Variants in DNAH7 observed in about 807,000 individuals in gnomAD.
DNAH7 encodes the protein axonemal beta dynein heavy chain 7.
A neutral mutation model predicts 444.6 loss-of-function variants in DNAH7; 397 were observed. The observed-to-expected ratio is 0.89, with a 90% CI of 0.82 to 0.97. The LOEUF (loss-of-function observed/expected upper bound fraction) is 0.97, where lower values mean the gene tolerates loss of function less well. DNAH7 is among the 50% of genes least tolerant of loss of function. DNAH7 has a pLI of 0.00. For missense variants in DNAH7, 4,902 were observed against 4,800.8 expected, an observed-to-expected ratio of 1.02 and a Z score of -0.62; for synonymous variants, 1,636 against 1,624.4, an observed-to-expected ratio of 1.01 and a Z score of -0.17.
intron 18 of DNAH7, among the ~76,000 whole-genome samples, chr2:195,958,217 C>CCCT (rs1182723632): frequency 3.9e-5 from 6 of 152,012 alleles, no homozygotes; most frequent in African/African-American, 1.4e-4. Context: ...GAAGACCAAC[C>CCCT]CCTCCTCTTC....
intron 47 of DNAH7, 81 bp downstream of exon 47, chr2:195,844,921 C>T (rs906204890): frequency 7.8e-7 from 1 of 1,276,244 alleles, no homozygotes. Context: ...TAAAAGTTTG[C>T]TACCTAAAAT....
chr2:195,937,678 T>C (rs1280181507), intron 19 of DNAH7, among the ~76,000 whole-genome samples: 1 of 152,132 alleles, frequency 6.6e-6, no homozygotes, highest in Non-Finnish European at 1.5e-5. Flanking sequence ...ATAGTTGAAA[T>C]AGAATTCTTT....
At chr2:195,769,087 T>A (rs769391958) in intron 61 of DNAH7, among the ~76,000 whole-genome samples, 1 of 152,164 alleles carries the variant, frequency 6.6e-6, no homozygotes, top group Non-Finnish European at 1.5e-5. Context: ...AAATTTGAAA[T>A]ATTTTCTTCC....
intron 24 of DNAH7, among the ~76,000 whole-genome samples, chr2:195,920,664 G>T (rs907260206): frequency 2.6e-5 from 4 of 152,212 alleles, no homozygotes; most frequent in African/African-American, 9.6e-5. Context: ...CTTAGGCAAA[G>T]AGTTCATGAC....
At chr2:195,999,413 A>G (rs1041088727) in intron 12 of DNAH7, among the ~76,000 whole-genome samples, 1 of 152,208 alleles carries the variant, frequency 6.6e-6, no homozygotes, top group African/African-American at 2.4e-5. Context: ...AGCACCTGTC[A>G]CAAGAATATG....
chr2:195,969,671 C>T (rs1691712242), intron 17 of DNAH7, among the ~76,000 whole-genome samples: 1 of 152,076 alleles, frequency 6.6e-6, no homozygotes, highest in African/African-American at 2.4e-5. Context: ...AACTATGATG[C>T]AAATAATTAA....
At position 195,923,750 on chromosome 2, in the gene DNAH7, C is replaced by T. The variant is rs756077098; in HGVS notation, c.3670G>A (p.Val1224Met). The stretch of plus-strand genomic sequence containing the variant: ...TTCTGCATGGACAATTTGCCACGCA[C>T]CAAAGTGACAATATCATCAATTTGT... ...NRQIDDIVTL[V>M]RGKLSMQNRV... Residue 1224 changes from valine to methionine, a missense_variant, in exon 23 of 65, where the codon GTG (valine) becomes ATG (methionine). Val to Met is a conservative substitution (Grantham distance 21). Coordinates refer to ENST00000312428, the MANE Select transcript of DNAH7 (RefSeq NM_018897.3). The T allele has an allele frequency of 3.1e-5, 50 of 1,614,056 alleles. No homozygotes were observed. The Middle Eastern group carries it at 9.9e-4, about 32-fold the overall frequency.
chr2:195,893,698 A>C (rs1378421134), intron 30 of DNAH7: 1 of 152,238 alleles, frequency 6.6e-6, no homozygotes, highest in East Asian at 1.9e-4. Context: ...TTTTTATCCT[A>C]AATGCAGCAA....
chr2:195,796,974 G>A (rs961042323), intron 55 of DNAH7, among the ~76,000 whole-genome samples: 6 of 152,152 alleles, frequency 3.9e-5, no homozygotes, highest in Non-Finnish European at 7.4e-5. Flanking sequence ...AAATTCTGTA[G>A]AGTCTTTGGT....
At chr2:195,775,762 A>C (rs1695031918) in intron 60 of DNAH7, 84 bp downstream of exon 60, 5 of 1,419,046 alleles carry the variant, frequency 3.5e-6, no homozygotes. Flanking sequence ...GAATTGTGTA[A>C]GGAAGCCTGT....
chr2:195,954,389 T>A (rs565014340), intron 19 of DNAH7, among the ~76,000 whole-genome samples: 1 of 152,188 alleles, frequency 6.6e-6, no homozygotes, highest in Non-Finnish European at 1.5e-5. Context: ...AGTATTCCAT[T>A]GTGTATATGT....
At chr2:195,935,982 T>C (rs1689022689) in intron 20 of DNAH7, among the ~76,000 whole-genome samples, 1 of 152,082 alleles carries the variant, frequency 6.6e-6, no homozygotes, top group Admixed American at 6.6e-5. Context: ...GGAAGGATAA[T>C]CTGTGTGGGG....
At chr2:195,883,456 C>G (rs559837636) in intron 35 of DNAH7, among the ~76,000 whole-genome samples, 28 of 148,696 alleles carry the variant, frequency 1.9e-4, no homozygotes, top group Admixed American at 3.3e-4. Flanking sequence ...CCCGCTCCCC[C>G]CCCCCAAAAA....
At chr2:195,770,845 G>C (rs1456318436) in intron 61 of DNAH7, among the ~76,000 whole-genome samples, 1 of 151,264 alleles carries the variant, frequency 6.6e-6, no homozygotes, top group African/African-American at 2.4e-5. Flanking sequence ...CTCCTGAGTA[G>C]CATACACCAC....
intron 56 of DNAH7, among the ~76,000 whole-genome samples, chr2:195,795,646 G>A (rs921357706): frequency 6.6e-6 from 1 of 152,218 alleles, no homozygotes; most frequent in Non-Finnish European, 1.5e-5. Context: ...TGTAGGTCAT[G>A]TTGGGGGTTT....
chr2:196,000,900 A>C lies in DNAH7; in HGVS notation c.1174-17T>G. On this transcript the variant is annotated splice_polypyrimidine_tract_variant and intron_variant, in intron 11 of 64. Transcript: ENST00000312428. ...AACAGAATCCTGCAAAAAATTAAAA[A>C]ATTTACATACATAAATATGTATGAA... 1 of 1,549,886 alleles carries C rather than the reference A, an allele frequency of 6.5e-7. No homozygotes were observed. The highest frequency in any genetic ancestry group is 8.7e-7 in the Non-Finnish European group (1 of 1,152,148).
At position 195,888,496 on chromosome 2, in the gene DNAH7, C is replaced by A. The variant is rs1701834718; in HGVS notation, c.5230-62G>T. The A allele has an allele frequency of 4.7e-6, 7 of 1,480,732 alleles. No individual in the cohort carries two copies. The South Asian group carries it at 8.0e-5, about 17-fold the overall frequency. The allele number at this position is 1,480,732 out of a possible 1,614,324, so 91.7% of individuals were successfully genotyped here. ...TGCTTATAAAATAAATATGATTTGG[C>A]ACCTCTGTTTTTTTATAACCTTCAG... On this transcript the variant is annotated intron_variant, in intron 32 of 64. Coordinates refer to ENST00000312428, the MANE Select transcript of DNAH7 (RefSeq NM_018897.3).
chr2:195,955,547 C>G (rs940159594), intron 19 of DNAH7, among the ~76,000 whole-genome samples: 3 of 152,002 alleles, frequency 2.0e-5, no homozygotes, highest in African/African-American at 7.3e-5. Flanking sequence ...CCCTCCCCAA[C>G]AGAAAATACC....
rs1348687133 is a variant in DNAH7 at position 195,886,140 on chromosome 2, C to A, written c.5538+1G>T. ...AGGATACAGAAGGCAACGGACCTTA[C>A]CTCAAGCAAAGAGTAAGTTTCTCGA... On this transcript the variant is annotated splice_donor_variant, in intron 34 of 64. Transcript: ENST00000312428. LOFTEE classifies it high-confidence loss of function. 1 of 1,612,494 alleles carries A rather than the reference C, an allele frequency of 6.2e-7. No homozygotes were observed. The highest frequency in any genetic ancestry group is 1.3e-5 in the African/African-American group (1 of 74,978).
Sources: allele counts gnomAD v4.1 joint callset (sites outside exome capture counted in the v4.1 genomes callset), GRCh38; gene constraint gnomAD v4.1.1; transcripts MANE v1.5; gene names NCBI Gene and HGNC (gene_info 2026-07-23, HGNC 2026-07-21).